MAD1L1: variants seen among roughly 807,000 people sequenced by gnomAD.
MAD1L1 encodes mitotic spindle assembly checkpoint protein MAD1.
Under a neutral mutation model 96.9 loss-of-function variants are expected in MAD1L1, and 95 were observed. The ratio of observed to expected loss-of-function variants is 0.98; its 90% CI spans 0.83 to 1.16. The LOEUF (loss-of-function observed/expected upper bound fraction) is 1.16, where lower values mean the gene tolerates loss of function less well. Ranked by LOEUF, MAD1L1 falls within the 50% of genes most tolerant of loss-of-function variation. The pLI is 0.00. For missense variants in MAD1L1, 1,007 were observed against 954.4 expected (o/e 1.06, Z -0.73); for synonymous variants, 473 against 396.6 (o/e 1.19, Z -2.29).
At chr7:2,021,505 G>A (rs1401229217) in intron 12 of MAD1L1, among the ~76,000 whole-genome samples, 1 of 152,224 alleles carries the variant, frequency 6.6e-6, no homozygotes, top group Non-Finnish European at 1.5e-5. Flanking sequence ...GCTCACACTT[G>A]TAATCTCAGC....
At chr7:1,886,437 G>A (rs1786034314) in intron 18 of MAD1L1, among the ~76,000 whole-genome samples, 1 of 152,234 alleles carries the variant, frequency 6.6e-6, no homozygotes, top group South Asian at 2.1e-4. Flanking sequence ...CTCAGCCTGT[G>A]TCAACACGCC....
At chr7:2,198,992 G>A (rs1792140119) in intron 10 of MAD1L1, among the ~76,000 whole-genome samples, 1 of 152,192 alleles carries the variant, frequency 6.6e-6, no homozygotes. Flanking sequence ...TCAGGCAGTG[G>A]GATCCCCCCT....
At chr7:2,174,554 C>A (rs536850965) in intron 10 of MAD1L1, among the ~76,000 whole-genome samples, 2 of 152,112 alleles carry the variant, frequency 1.3e-5, no homozygotes, top group Non-Finnish European at 2.9e-5. Flanking sequence ...TGAATGTGGT[C>A]CACAGAACCC....
At chr7:1,901,907 C>T (rs1417709660) in intron 17 of MAD1L1, among the ~76,000 whole-genome samples, 2 of 152,224 alleles carry the variant, frequency 1.3e-5, no homozygotes, top group African/African-American at 2.4e-5. Context: ...ACCCCTGGGA[C>T]CCCTGCTTTG....
At chr7:2,120,701 T>C (rs17132200) in intron 11 of MAD1L1, among the ~76,000 whole-genome samples, 7,701 of 152,152 alleles carry the variant, frequency 0.051, 636 homozygotes, top group African/African-American at 0.17. Context: ...TATCTGAGAG[T>C]ATCACTTCGA....
chr7:2,110,179 C>T (rs1003880748), intron 11 of MAD1L1, among the ~76,000 whole-genome samples: 1 of 152,210 alleles, frequency 6.6e-6, no homozygotes, highest in East Asian at 1.9e-4. Flanking sequence ...GGCAGCACCT[C>T]GAAGATTCTT....
intron 18 of MAD1L1, among the ~76,000 whole-genome samples, chr7:1,831,765 G>C (rs1782713949): frequency 6.6e-6 from 1 of 152,208 alleles, no homozygotes; most frequent in Non-Finnish European, 1.5e-5. Flanking sequence ...AGTCTTCTCT[G>C]TCTGTGCTCT....
chr7:2,060,264 TACGCCG>T (rs2128523034), intron 12 of MAD1L1, among the ~76,000 whole-genome samples: 1 of 143,672 alleles, frequency 7.0e-6, no homozygotes, highest in African/African-American at 2.5e-5. Flanking sequence ...GATGCCGAGA[TACGCCG>T]ATGCCGAGAT....
intron 12 of MAD1L1, among the ~76,000 whole-genome samples, chr7:2,019,721 C>T (rs771808410): frequency 6.6e-6 from 1 of 151,890 alleles, no homozygotes; most frequent in Non-Finnish European, 1.5e-5. Context: ...CGCCTCACCA[C>T]CCCCAACGCA....
At chr7:1,990,052 C>T (rs959541829) in intron 14 of MAD1L1, among the ~76,000 whole-genome samples, 11 of 152,238 alleles carry the variant, frequency 7.2e-5, no homozygotes, top group African/African-American at 2.4e-4. Flanking sequence ...CTCCCCCCAC[C>T]GCAATTCTAA....
intron 18 of MAD1L1, among the ~76,000 whole-genome samples, chr7:1,890,529 A>C (rs1327479160): frequency 3.3e-5 from 5 of 152,228 alleles, no homozygotes; most frequent in African/African-American, 1.2e-4. Context: ...AGCAGCCACC[A>C]GAATTGTGAG....
intron 14 of MAD1L1, among the ~76,000 whole-genome samples, chr7:1,984,695 C>CT (rs1453406869): frequency 1.3e-5 from 2 of 152,220 alleles, no homozygotes; most frequent in African/African-American, 2.4e-5. Context: ...ACCAGGATGC[C>CT]TTTGCTTCCC....
chr7:2,176,750 G>C (rs534334863), intron 10 of MAD1L1, among the ~76,000 whole-genome samples: 8 of 151,988 alleles, frequency 5.3e-5, no homozygotes, highest in Middle Eastern at 3.2e-3. Flanking sequence ...AAAGTCACAG[G>C]ACACTGTCAA....
intron 18 of MAD1L1, among the ~76,000 whole-genome samples, chr7:1,819,466 T>TG (rs1782010882): frequency 6.6e-6 from 1 of 152,158 alleles, no homozygotes. Flanking sequence ...TGGCCTGGCC[T>TG]GGGGCTCACC....
At chr7:1,959,821 G>A (rs1337987644) in intron 15 of MAD1L1, among the ~76,000 whole-genome samples, 1 of 151,832 alleles carries the variant, frequency 6.6e-6, no homozygotes, top group African/African-American at 2.4e-5. Flanking sequence ...GGAGGACGAG[G>A]GCGGGGCGGG....
intron 10 of MAD1L1, among the ~76,000 whole-genome samples, chr7:2,204,163 G>A (rs1490363659): frequency 6.6e-6 from 1 of 152,224 alleles, no homozygotes; most frequent in Non-Finnish European, 1.5e-5. Flanking sequence ...ACGCAGCCGT[G>A]GCCGTAGGCC....
chr7:2,086,086 G>C (rs1241395713), intron 11 of MAD1L1, among the ~76,000 whole-genome samples: 1 of 152,182 alleles, frequency 6.6e-6, no homozygotes, highest in African/African-American at 2.4e-5. Flanking sequence ...GGGGGAGGAC[G>C]GCAAGACCCG....
rs199989725 is a variant in MAD1L1, at chr7:1,900,116, G to A, written c.1808-1726C>T. 5.9e-5 allele frequency among the ~76,000 whole-genome samples: 9 copies of A among 152,134 alleles called. No homozygotes were observed. In the East Asian group the frequency reaches 1.4e-3, roughly 23 times the overall value. On this transcript the variant is annotated intron_variant, in intron 17 of 18. Coordinates refer to ENST00000265854, the MANE Select transcript of MAD1L1 (RefSeq NM_001013836.2). ...CACCCCCGATGGCGTGAGCTCAGTC[G>A]AGCAGCCCGTTCCGAGTGCAAGCTC... is the stretch of plus-strand genomic sequence containing the variant.
intron 10 of MAD1L1, among the ~76,000 whole-genome samples, chr7:2,210,394 C>T (rs1792853185): frequency 6.6e-6 from 1 of 152,078 alleles, no homozygotes; most frequent in Non-Finnish European, 1.5e-5. Flanking sequence ...TTTACCAAAC[C>T]CTCCCGGTGA....
Sources: gnomAD v4.1 joint callset for allele counts (sites outside exome capture counted in the v4.1 genomes callset) on GRCh38, gnomAD v4.1.1 for gene constraint, MANE v1.5 for transcripts, NCBI Gene and HGNC (gene_info 2026-07-23, HGNC 2026-07-21) for gene names.